The following COP1 variants were observed in gnomAD, a reference collection of about 807,000 sequenced individuals.
The protein encoded by COP1 is E3 ubiquitin-protein ligase COP1.
In COP1, 24 loss-of-function variants were observed where a neutral mutation model predicts 101.3. The ratio of observed to expected loss-of-function variants is 0.24; its 90% CI spans 0.17 to 0.33. The LOEUF is 0.33. COP1 is among the 10% of genes least tolerant of loss of function. The probability of loss-of-function intolerance (pLI) is 1.00; values close to 1 mark genes in which losing one functional copy is unlikely to be tolerated. For synonymous variants in COP1, 347 were observed against 341.9 expected, an observed-to-expected ratio of 1.01 and a Z score of -0.17; for missense variants, 663 against 906.2, an observed-to-expected ratio of 0.73 and a Z score of 3.45.
chr1:176,007,693 C>T (rs1181711635), intron 15 of COP1, among the ~76,000 whole-genome samples: 1 of 152,126 alleles, frequency 6.6e-6, no homozygotes, highest in Admixed American at 6.5e-5. Context: ...AGGAGGCAGT[C>T]TGCCTGTTCT....
intron 15 of COP1, among the ~76,000 whole-genome samples, chr1:176,005,485 AT>A (rs1473616774): frequency 6.6e-6 from 1 of 152,088 alleles, no homozygotes; most frequent in Non-Finnish European, 1.5e-5. Context: ...TCTTGTGGGC[AT>A]TTAGTGCTAT....
At chr1:176,184,133 T>C (rs1271737843) in intron 2 of COP1, among the ~76,000 whole-genome samples, 2 of 152,148 alleles carry the variant, frequency 1.3e-5, no homozygotes, top group Admixed American at 6.5e-5. Context: ...CGGTATTATG[T>C]AAATTTTAAA....
At chr1:176,205,829 T>C (rs1300489232) in intron 1 of COP1, among the ~76,000 whole-genome samples, 1 of 152,230 alleles carries the variant, frequency 6.6e-6, no homozygotes, top group Non-Finnish European at 1.5e-5. Context: ...GAAGTTCCAG[T>C]ATACTCTGTT....
intron 2 of COP1, among the ~76,000 whole-genome samples, chr1:176,178,904 T>C (rs2101964596): frequency 6.6e-6 from 1 of 150,626 alleles, no homozygotes. Context: ...GCTGGGTATA[T>C]CTGCTAATGC....
At chr1:176,136,352 A>G (rs2149739201) in intron 7 of COP1, 136 bp downstream of exon 7, 1 of 448,594 alleles carries the variant, frequency 2.2e-6, no homozygotes, top group East Asian at 3.5e-5. Context: ...TTCATCCTCA[A>G]TTGAAATGAA....
At chr1:176,098,419 G>C (rs1682808188) in intron 9 of COP1, among the ~76,000 whole-genome samples, 1 of 152,090 alleles carries the variant, frequency 6.6e-6, no homozygotes, top group African/African-American at 2.4e-5. Context: ...GGATTGTTCT[G>C]AATTAGATAA....
chr1:176,108,563 C>T (rs150165529), intron 9 of COP1, among the ~76,000 whole-genome samples: 1 of 152,268 alleles, frequency 6.6e-6, no homozygotes, highest in East Asian at 1.9e-4. Flanking sequence ...CTTCCTCCAC[C>T]TACCCTTCCC....
At chr1:176,134,785 A>G (rs1285688303) in intron 8 of COP1, among the ~76,000 whole-genome samples, 1 of 152,050 alleles carries the variant, frequency 6.6e-6, no homozygotes, top group African/African-American at 2.4e-5. Flanking sequence ...CTTTTAATCC[A>G]ACTGTGAATT....
intron 15 of COP1, among the ~76,000 whole-genome samples, chr1:175,993,021 C>T (rs113371470): frequency 0.044 from 6,645 of 151,640 alleles, 197 homozygotes; most frequent in South Asian, 0.085. Context: ...CACCTCACAC[C>T]GCCGGGTACT....
intron 11 of COP1, among the ~76,000 whole-genome samples, chr1:176,065,641 CAT>C (rs1429015753): frequency 8.0e-5 from 12 of 150,792 alleles, no homozygotes; most frequent in Admixed American, 6.6e-5. Flanking sequence ...GAAAGCAGAA[CAT>C]AAACTCCTTT....
chr1:176,056,225 T>G (rs1673456375), intron 11 of COP1, among the ~76,000 whole-genome samples: 1 of 152,232 alleles, frequency 6.6e-6, no homozygotes, highest in Admixed American at 6.5e-5. Flanking sequence ...CTTTACATTT[T>G]CTGATGTTCC....
intron 9 of COP1, among the ~76,000 whole-genome samples, chr1:176,115,866 A>T (rs1295454887): frequency 1.3e-5 from 2 of 152,178 alleles, no homozygotes; most frequent in Non-Finnish European, 2.9e-5. Flanking sequence ...AGGTTAAAAT[A>T]CTCATACAAC....
intron 6 of COP1, among the ~76,000 whole-genome samples, chr1:176,138,778 T>C (rs1272957360): frequency 6.6e-6 from 1 of 152,124 alleles, no homozygotes; most frequent in Non-Finnish European, 1.5e-5. Flanking sequence ...ACTTGAGCCA[T>C]CAATAAACAT....
At position 176,096,939 on chromosome 1, in the gene COP1, T is replaced by C. The variant is rs752254152; in HGVS notation, c.1027-11049A>G. ...CCATTTTACATTTGTGGCCCGGGGT[T>C]CGATCCTGGCTTAGGGAATGAGTCC... On this transcript the variant is annotated intron_variant, in intron 9 of 19. Coordinates refer to ENST00000367669, the MANE Select transcript of COP1 (RefSeq NM_022457.7). Among the ~76,000 whole-genome samples, 118 of 152,332 alleles carry C rather than the reference T, an allele frequency of 7.7e-4. 1 individual carries two copies. The highest frequency in any genetic ancestry group is 9.8e-4 in the Non-Finnish European group (67 of 68,038).
intron 5 of COP1, among the ~76,000 whole-genome samples, chr1:176,151,331 GAA>G (rs1274448883): frequency 1.5e-5 from 2 of 135,310 alleles, no homozygotes; most frequent in African/African-American, 5.8e-5. Flanking sequence ...AGGAAAGAAA[GAA>G]AGAAGGAAGG....
At chr1:176,195,297 A>G (rs1369373414) in intron 1 of COP1, among the ~76,000 whole-genome samples, 1 of 152,228 alleles carries the variant, frequency 6.6e-6, no homozygotes. Context: ...CAATTCACCA[A>G]CGCTAAATCT....
At chr1:176,091,248 G>A (rs1681217968) in intron 9 of COP1, among the ~76,000 whole-genome samples, 1 of 151,736 alleles carries the variant, frequency 6.6e-6, no homozygotes, top group Admixed American at 6.6e-5. Flanking sequence ...TGAGGCAAGG[G>A]AATAGCTTGA....
intron 18 of COP1, among the ~76,000 whole-genome samples, chr1:175,957,472 T>C (rs1650800570): frequency 6.6e-6 from 1 of 152,232 alleles, no homozygotes; most frequent in African/African-American, 2.4e-5. Flanking sequence ...AGCTAAGGTA[T>C]GTACTAGGCT....
chr1:176,152,023 T>C (rs1692688983), intron 5 of COP1, among the ~76,000 whole-genome samples: 1 of 151,880 alleles, frequency 6.6e-6, no homozygotes, highest in Non-Finnish European at 1.5e-5. Context: ...AATATAGAAT[T>C]GTTGGCTGCA....
Sources: gnomAD v4.1 joint callset for allele counts (sites outside exome capture counted in the v4.1 genomes callset) on GRCh38, gnomAD v4.1.1 for gene constraint, MANE v1.5 for transcripts, NCBI Gene and HGNC (gene_info 2026-07-23, HGNC 2026-07-21) for gene names.